The following SYT17 variants were observed in gnomAD, a reference collection of about 807,000 sequenced individuals.
SYT17 encodes synaptotagmin-17.
In SYT17, 22 loss-of-function variants were observed where a neutral mutation model predicts 46.7. That is an observed-to-expected ratio of 0.47 (90% confidence interval 0.34 to 0.67). The LOEUF (loss-of-function observed/expected upper bound fraction) is 0.67. Ranked by LOEUF, SYT17 falls within the 30% of genes least tolerant of loss-of-function variation. SYT17 has a pLI of 0.01. For missense variants in SYT17, 519 were observed against 612.8 expected (o/e 0.85, Z 1.62); for synonymous variants, 251 against 248.4 (o/e 1.01, Z -0.10).
intron 5 of SYT17, chr16:19,211,119 C>G: frequency 3.1e-6 from 1 of 324,092 alleles, no homozygotes; most frequent in Non-Finnish European, 5.6e-6. Context: ...TTTTGGTTCT[C>G]CCTAGCCCAC....
chr16:19,190,415 A>G (rs2142652793), intron 5 of SYT17, among the ~76,000 whole-genome samples: 1 of 152,310 alleles, frequency 6.6e-6, no homozygotes, highest in East Asian at 1.9e-4. Flanking sequence ...GGGAAAATAC[A>G]CACACCATGA....
At chr16:19,255,469 TG>T (rs1968494599) in intron 7 of SYT17, among the ~76,000 whole-genome samples, 1 of 152,042 alleles carries the variant, frequency 6.6e-6, no homozygotes, top group Non-Finnish European at 1.5e-5. Flanking sequence ...GGGGTAAAAT[TG>T]GCCCCTGTTG....
At chr16:19,207,437 A>G (rs1375451766) in intron 5 of SYT17, among the ~76,000 whole-genome samples, 3 of 152,198 alleles carry the variant, frequency 2.0e-5, no homozygotes, top group Non-Finnish European at 2.9e-5. Flanking sequence ...CATAGGAAGC[A>G]TGGCTGGGGA....
At chr16:19,211,038 A>G (rs979523613) in intron 5 of SYT17, 1 of 172,836 alleles carries the variant, frequency 5.8e-6, no homozygotes, top group Non-Finnish European at 1.2e-5. Context: ...GTCTGGGTAG[A>G]GAGGAGAGAG....
chr16:19,241,806 C>T (rs962204527), intron 7 of SYT17, among the ~76,000 whole-genome samples: 1 of 152,146 alleles, frequency 6.6e-6, no homozygotes, highest in African/African-American at 2.4e-5. Flanking sequence ...GAGTGGGTCC[C>T]ATCCAGTCAT....
intron 7 of SYT17, among the ~76,000 whole-genome samples, chr16:19,225,601 T>C (rs923933109): frequency 2.0e-5 from 3 of 152,208 alleles, no homozygotes; most frequent in Admixed American, 2.0e-4. Flanking sequence ...AATCAAGGTA[T>C]TGGCTGAGGC....
At chr16:19,232,749 T>C (rs370521669) in intron 7 of SYT17, among the ~76,000 whole-genome samples, 1 of 152,122 alleles carries the variant, frequency 6.6e-6, no homozygotes, top group South Asian at 2.1e-4. Flanking sequence ...GAGGATTGCT[T>C]GAGCCTTGGG....
rs114625980 is a variant in SYT17, at chr16:19,172,565, A to G, written c.16-195A>G. 3,935 of 1,512,926 alleles carry G rather than the reference A, an allele frequency of 2.6e-3. 99 individuals carry two copies. The African/African-American group carries it at 0.049, about 19-fold the overall frequency. The allele number at this position is 1,512,926 out of a possible 1,614,324, so 93.7% of individuals were successfully genotyped here. ...CAGGAGGCTACCAGCAGCCCTGAAAATAGCAACACCTTGTTAGGATGTTAG... is the reference window on the plus strand; with the variant it reads ...CAGGAGGCTACCAGCAGCCCTGAAAGTAGCAACACCTTGTTAGGATGTTAG... On this transcript the variant is annotated intron_variant, in intron 1 of 7. Transcript: ENST00000355377.
intron 7 of SYT17, among the ~76,000 whole-genome samples, chr16:19,241,425 C>T (rs1967112594): frequency 6.6e-6 from 1 of 151,996 alleles, no homozygotes; most frequent in Admixed American, 6.6e-5. Flanking sequence ...GCAGCTGCAC[C>T]CAGGAAGCTC....
chr16:19,209,897 CAAA>C (rs201816399), intron 5 of SYT17, among the ~76,000 whole-genome samples: 4 of 71,414 alleles, frequency 5.6e-5, no homozygotes, highest in African/African-American at 2.1e-4. Context: ...CAAAACAAAA[CAAA>C]AACAACAACA....
intron 5 of SYT17, among the ~76,000 whole-genome samples, chr16:19,208,742 A>ATC (rs1965768373): frequency 6.6e-6 from 1 of 151,812 alleles, no homozygotes; most frequent in African/African-American, 2.4e-5. Context: ...TGGCTTATAG[A>ATC]TCTCTGCCTT....
chr16:19,247,200 T>C (rs1015449), intron 7 of SYT17, among the ~76,000 whole-genome samples: 109,687 of 152,120 alleles, frequency 0.72, 40,481 homozygotes, highest in East Asian at 0.99. Flanking sequence ...ATTACGGCCG[T>C]ATGATATCCC....
intron 4 of SYT17, among the ~76,000 whole-genome samples, chr16:19,181,296 C>G (rs1964546695): frequency 6.6e-6 from 1 of 152,126 alleles, no homozygotes; most frequent in Non-Finnish European, 1.5e-5. Context: ...AAAAGGAGGA[C>G]AAACACCCAG....
chr16:19,255,422 C>T (rs1858259288), intron 7 of SYT17, among the ~76,000 whole-genome samples: 1 of 152,154 alleles, frequency 6.6e-6, no homozygotes. Context: ...GCACCCCTCC[C>T]TCCAAGACAT....
At chr16:19,214,865 C>T (rs1295850325) in intron 5 of SYT17, among the ~76,000 whole-genome samples, 2 of 151,958 alleles carry the variant, frequency 1.3e-5, no homozygotes, top group African/African-American at 4.8e-5. Context: ...TCTCAGCTCA[C>T]TGAAACTTCC....
intron 7 of SYT17, among the ~76,000 whole-genome samples, chr16:19,254,707 A>G (rs976839471): frequency 6.6e-6 from 1 of 152,234 alleles, no homozygotes. Context: ...AAGCGATGCC[A>G]GCTTCTCTGA....
chr16:19,201,591 G>T (rs983878499), intron 5 of SYT17, among the ~76,000 whole-genome samples: 1 of 150,600 alleles, frequency 6.6e-6, no homozygotes, highest in Admixed American at 6.7e-5. Context: ...CTGAGAGAAG[G>T]TGCCATTTTC....
At chr16:19,233,247 T>C (rs1966770268) in intron 7 of SYT17, among the ~76,000 whole-genome samples, 1 of 152,030 alleles carries the variant, frequency 6.6e-6, no homozygotes, top group African/African-American at 2.4e-5. Context: ...GCTGGTGAGA[T>C]GAGATGGGTG....
intron 5 of SYT17, among the ~76,000 whole-genome samples, chr16:19,201,742 G>A (rs1333277990): frequency 6.6e-6 from 1 of 151,740 alleles, no homozygotes; most frequent in Admixed American, 6.6e-5. Flanking sequence ...GTGGGTAAGG[G>A]AGTAGGCTTT....
Sources: allele counts gnomAD v4.1 joint callset (sites outside exome capture counted in the v4.1 genomes callset), GRCh38; gene constraint gnomAD v4.1.1; transcripts MANE v1.5; gene names NCBI Gene and HGNC (gene_info 2026-07-23, HGNC 2026-07-21).